Variants in CEP85L observed in about 807,000 individuals in gnomAD.
The protein encoded by CEP85L is centrosomal protein of 85 kDa-like.
In CEP85L, 60 loss-of-function variants were observed where a neutral mutation model predicts 100.3. That is an observed-to-expected ratio of 0.60 (90% CI 0.49 to 0.74). The LOEUF (loss-of-function observed/expected upper bound fraction) is 0.74. Ranked by LOEUF, CEP85L falls within the 30% of genes least tolerant of loss-of-function variation. CEP85L has a pLI of 0.00. For synonymous variants in CEP85L, 319 were observed against 322.7 expected, an observed-to-expected ratio of 0.99 and a Z score of 0.12; for missense variants, 973 against 936.2, an observed-to-expected ratio of 1.04 and a Z score of -0.51.
At chr6:118,592,226 T>C (rs1364492330) in intron 2 of CEP85L, among the ~76,000 whole-genome samples, 3 of 151,902 alleles carry the variant, frequency 2.0e-5, no homozygotes, top group Non-Finnish European at 1.5e-5. Flanking sequence ...CTAGCACCAA[T>C]GGTTAAAGAA....
At chr6:118,576,879 A>G (rs1472678977) in intron 2 of CEP85L, among the ~76,000 whole-genome samples, 2 of 142,210 alleles carry the variant, frequency 1.4e-5, no homozygotes, top group Non-Finnish European at 3.1e-5. Flanking sequence ...GGAATAGATT[A>G]AATATTCCAT....
rs116458064 is a variant in CEP85L at position 118,558,816 on chromosome 6, A to G, written c.1020+6713T>C. The G allele has an allele frequency of 7.0e-5, 55 of 782,322 alleles. No homozygotes were observed. In the African/African-American group the frequency reaches 7.8e-4, roughly 11 times the overall value. The allele number at this position is 782,322 out of a possible 1,614,324, so 48.5% of individuals were successfully genotyped here. A position where few individuals can be genotyped will look rare whatever the true frequency, so the allele number is the denominator to read the frequency against. ...TGATTCTAATCCATTTATTATTTTT[A>G]CATTCCAGGCTACCTAAAAGAAGAC... On this transcript the variant is annotated intron_variant, in intron 3 of 12. Transcript: ENST00000368491.
chr6:118,548,473 T>C lies in CEP85L; in HGVS notation c.1020+17056A>G, dbSNP rs535935682. ...CCTATAATTTCTATAATCTGAACTT[T>C]TAAAATGAGTTAATTTTATGAATAT... On this transcript the variant is annotated intron_variant, in intron 3 of 12. Transcript: ENST00000368491. The C allele has an allele frequency of 6.6e-5, 10 of 152,206 alleles. No individual in the cohort carries two copies. The South Asian group carries it at 1.9e-3, about 28-fold the overall frequency. 9.4% of individuals were successfully genotyped at this position (152,206 alleles called of 1,614,324 possible).
At chr6:118,475,687 T>C (rs1202195265) in intron 10 of CEP85L, among the ~76,000 whole-genome samples, 1 of 152,118 alleles carries the variant, frequency 6.6e-6, no homozygotes, top group Non-Finnish European at 1.5e-5. Context: ...AATGCTTGAG[T>C]TCTTTGGCTT....
chr6:118,504,332 A>G (rs1398310323), intron 5 of CEP85L, among the ~76,000 whole-genome samples: 1 of 152,052 alleles, frequency 6.6e-6, no homozygotes, highest in African/African-American at 2.4e-5. Context: ...CCGAAACCGC[A>G]TCACTGCACT....
At chr6:118,601,455 G>T (rs943038357) in intron 2 of CEP85L, among the ~76,000 whole-genome samples, 1 of 152,072 alleles carries the variant, frequency 6.6e-6, no homozygotes, top group East Asian at 1.9e-4. Flanking sequence ...AATGTTTATC[G>T]ATCAATTTCC....
chr6:118,542,921 A>AAAAAAAC (rs1562245160), intron 3 of CEP85L, among the ~76,000 whole-genome samples: 1 of 150,934 alleles, frequency 6.6e-6, no homozygotes, highest in Non-Finnish European at 1.5e-5. Context: ...AAAAAAAAAA[A>AAAAAAAC]AACAGGATAT....
At chr6:118,698,102 C>A (rs1468881522) in intron 1 of CEP85L, among the ~76,000 whole-genome samples, 1 of 152,150 alleles carries the variant, frequency 6.6e-6, no homozygotes, top group Non-Finnish European at 1.5e-5. Context: ...AAGCTGTTAG[C>A]CTTTCAGATC....
intron 3 of CEP85L, among the ~76,000 whole-genome samples, chr6:118,546,110 T>C (rs1031915338): frequency 6.6e-6 from 1 of 152,090 alleles, no homozygotes; most frequent in South Asian, 2.1e-4. Flanking sequence ...TTAAAAACAA[T>C]GTTCAGTTAA....
At chr6:118,669,937 A>G (rs897449301) in intron 1 of CEP85L, among the ~76,000 whole-genome samples, 1 of 149,800 alleles carries the variant, frequency 6.7e-6, no homozygotes, top group African/African-American at 2.5e-5. Context: ...GTAAGAGGAA[A>G]GGATCATACT....
intron 3 of CEP85L, among the ~76,000 whole-genome samples, chr6:118,551,657 A>C (rs893503592): frequency 1.3e-5 from 2 of 152,044 alleles, no homozygotes; most frequent in Non-Finnish European, 2.9e-5. Flanking sequence ...ACAGAGCTTT[A>C]ACATGAGAAG....
chr6:118,519,401 C>T (rs146293765), intron 4 of CEP85L, among the ~76,000 whole-genome samples: 1,699 of 147,096 alleles, frequency 0.012, 25 homozygotes, highest in African/African-American at 0.032. Flanking sequence ...ATCGCGCCAC[C>T]GCACTCCAGT....
chr6:118,696,890 T>C (rs1272020697), intron 1 of CEP85L, among the ~76,000 whole-genome samples: 1 of 152,198 alleles, frequency 6.6e-6, no homozygotes, highest in East Asian at 1.9e-4. Context: ...TTTGCCATCC[T>C]GAGCATATTA....
intron 2 of CEP85L, among the ~76,000 whole-genome samples, chr6:118,607,944 C>T (rs1004754557): frequency 6.6e-6 from 1 of 152,020 alleles, no homozygotes; most frequent in Admixed American, 6.6e-5. Flanking sequence ...TGATCCAGAC[C>T]CCAAGAGAGG....
chr6:118,661,035 G>A (rs1217566906), intron 1 of CEP85L, among the ~76,000 whole-genome samples: 1 of 151,932 alleles, frequency 6.6e-6, no homozygotes, highest in Non-Finnish European at 1.5e-5. Flanking sequence ...ACAGGCACCC[G>A]CCACCACGCC....
At chr6:118,549,572 G>C (rs530363203) in intron 3 of CEP85L, among the ~76,000 whole-genome samples, 3 of 151,742 alleles carry the variant, frequency 2.0e-5, no homozygotes, top group Admixed American at 2.0e-4. Context: ...TTGTAACTCT[G>C]TAAGCAGCTT....
Position 118,609,865 on chromosome 6 carries a change from C to T in CEP85L, c.232+22588G>A, listed in dbSNP as rs891100109. Among the ~76,000 whole-genome samples the T allele has an allele frequency of 2.6e-5, 4 of 152,044 alleles. No individual in the cohort carries two copies. The South Asian group carries it at 8.3e-4, about 32-fold the overall frequency. ...ATTGAACACCCAGGACATACCAGTT[C>T]CTGTCCTATGATACAAACAATAGGC... On this transcript the variant is annotated intron_variant, in intron 2 of 12. Coordinates refer to ENST00000368491, the MANE Select transcript of CEP85L (RefSeq NM_001042475.3).
Position 118,619,985 on chromosome 6 carries a change from T to C in CEP85L, c.232+12468A>G, listed in dbSNP as rs550820620. Among the ~76,000 whole-genome samples, 5 of 152,268 alleles carry C rather than the reference T, an allele frequency of 3.3e-5. No homozygotes were observed. The East Asian group carries it at 9.7e-4, about 29-fold the overall frequency. On this transcript the variant is annotated intron_variant, in intron 2 of 12. Coordinates refer to ENST00000368491, the MANE Select transcript of CEP85L (RefSeq NM_001042475.3). Reference sequence around the variant, plus strand: ...ACCCTCATTGGGATACTGACTCAGATCATGAAGATTGGAGCCGCAGGCATT... The same window carrying C: ...ACCCTCATTGGGATACTGACTCAGACCATGAAGATTGGAGCCGCAGGCATT...
intron 1 of CEP85L, among the ~76,000 whole-genome samples, chr6:118,670,261 A>G (rs1163471618): frequency 6.7e-6 from 1 of 149,954 alleles, no homozygotes; most frequent in East Asian, 2.0e-4. Flanking sequence ...CAGGGGTACG[A>G]GTGCAGGTTT....
Sources: gnomAD v4.1 joint callset for allele counts (sites outside exome capture counted in the v4.1 genomes callset) on GRCh38, gnomAD v4.1.1 for gene constraint, MANE v1.5 for transcripts, NCBI Gene and HGNC (gene_info 2026-07-23, HGNC 2026-07-21) for gene names.